Variants in BABAM2 observed in about 807,000 individuals in gnomAD.
BABAM2 encodes BRISC and BRCA1 A complex member 2, also known as BRISC and BRCA1-A complex member 2.
BABAM2 carries 31 observed loss-of-function variants against 54.7 expected under a neutral mutation model. The observed-to-expected ratio is 0.57, with a 90% CI of 0.43 to 0.77. The LOEUF (loss-of-function observed/expected upper bound fraction) is 0.77, where lower values mean the gene tolerates loss of function less well. BABAM2 is among the 30% of genes least tolerant of loss of function. The probability of loss-of-function intolerance (pLI) is 0.00; values close to 1 mark genes in which losing one functional copy is unlikely to be tolerated. For missense variants in BABAM2, 364 were observed against 455.8 expected, an observed-to-expected ratio of 0.80 and a Z score of 1.83; for synonymous variants, 167 against 162.9, an observed-to-expected ratio of 1.03 and a Z score of -0.19.
intron 4 of BABAM2, among the ~76,000 whole-genome samples, chr2:28,012,826 G>A (rs1161413292): frequency 6.6e-6 from 1 of 152,152 alleles, no homozygotes; most frequent in African/African-American, 2.4e-5. Context: ...AGATAGAAAG[G>A]AATTTGCCTA....
chr2:27,937,906 CTA>C (rs1386978992), intron 3 of BABAM2, among the ~76,000 whole-genome samples: 1 of 152,142 alleles, frequency 6.6e-6, no homozygotes, highest in Non-Finnish European at 1.5e-5. Context: ...GGCATTTCTC[CTA>C]TGTTTTCTTC....
At chr2:28,172,120 G>T (rs1298012994) in intron 7 of BABAM2, among the ~76,000 whole-genome samples, 1 of 151,616 alleles carries the variant, frequency 6.6e-6, no homozygotes, top group African/African-American at 2.4e-5. Flanking sequence ...TGTGTGGTGT[G>T]TGTGTATAAT....
At chr2:28,185,399 G>C (rs1428204042) in intron 7 of BABAM2, among the ~76,000 whole-genome samples, 1 of 152,076 alleles carries the variant, frequency 6.6e-6, no homozygotes, top group African/African-American at 2.4e-5. Context: ...AATCTGTCGT[G>C]GTAACATCTC....
At chr2:28,306,683 CT>C (rs1558517050) in intron 11 of BABAM2, among the ~76,000 whole-genome samples, 1 of 151,606 alleles carries the variant, frequency 6.6e-6, no homozygotes, top group South Asian at 2.1e-4. Flanking sequence ...TGGAGTATTT[CT>C]TTTTTATTTT....
intron 3 of BABAM2, among the ~76,000 whole-genome samples, chr2:27,955,308 G>C (rs1366230008): frequency 2.0e-5 from 3 of 152,210 alleles, no homozygotes; most frequent in African/African-American, 7.2e-5. Context: ...TCAGTTTGCA[G>C]AAGGCAGCTG....
At chr2:28,256,973 G>C (rs1684032142) in intron 10 of BABAM2, among the ~76,000 whole-genome samples, 1 of 152,090 alleles carries the variant, frequency 6.6e-6, no homozygotes, top group Non-Finnish European at 1.5e-5. Context: ...GGGATTACAG[G>C]CATGAGACAC....
chr2:28,100,411 G>C (rs1022921261), intron 6 of BABAM2, among the ~76,000 whole-genome samples: 1 of 139,108 alleles, frequency 7.2e-6, no homozygotes. Flanking sequence ...AGTGAGACGA[G>C]ACCGTGCCAC....
chr2:28,321,138 G>A (rs577118916), intron 11 of BABAM2, among the ~76,000 whole-genome samples: 20 of 152,142 alleles, frequency 1.3e-4, no homozygotes, highest in South Asian at 1.0e-3. Context: ...GTGTGTGTCC[G>A]TAGCTGTATG....
At position 27,942,827 on chromosome 2, in the gene BABAM2, T is replaced by TATTTATTTATTA. The variant is rs1189574883; in HGVS notation, c.205+12922_205+12923insTATTTATTAATT. 3.6e-4 allele frequency among the ~76,000 whole-genome samples: 54 copies of TATTTATTTATTA among 151,600 alleles called. No homozygotes were observed. The South Asian group carries it at 6.0e-3, about 17-fold the overall frequency. On this transcript the variant is annotated intron_variant, in intron 3 of 11. Transcript: ENST00000379624. ...TTATTTATTTATTTATTTATTTATT[T>TATTTATTTATTA]ATTAAGACAGGGTCTTGCTTTGTGG...
chr2:27,908,687 A>G (rs1666363724), intron 2 of BABAM2, among the ~76,000 whole-genome samples: 1 of 152,144 alleles, frequency 6.6e-6, no homozygotes. Context: ...GCTTCCACTT[A>G]TAAGTGAGAA....
chr2:27,972,806 C>T (rs1444603013), intron 3 of BABAM2, among the ~76,000 whole-genome samples: 3 of 131,108 alleles, frequency 2.3e-5, no homozygotes, highest in African/African-American at 8.7e-5. Context: ...CTTGTGCTGT[C>T]GCCAGGCTGG....
At chr2:28,252,588 G>T (rs766325785) in intron 10 of BABAM2, among the ~76,000 whole-genome samples, 12 of 152,150 alleles carry the variant, frequency 7.9e-5, no homozygotes, top group Non-Finnish European at 1.3e-4. Context: ...AGCCTGTTTT[G>T]TAATTTCTGA....
chr2:28,246,853 C>T (rs1350209203), intron 10 of BABAM2, among the ~76,000 whole-genome samples: 2 of 152,212 alleles, frequency 1.3e-5, no homozygotes, highest in African/African-American at 4.8e-5. Context: ...AAAGAACATT[C>T]ACCTCTCAGC....
intron 4 of BABAM2, among the ~76,000 whole-genome samples, chr2:27,997,754 A>T (rs1673270650): frequency 6.6e-6 from 1 of 152,202 alleles, no homozygotes; most frequent in Non-Finnish European, 1.5e-5. Context: ...TGGCAAATAT[A>T]ACATTTAGCA....
chr2:27,940,113 A>G (rs74543111), intron 3 of BABAM2, among the ~76,000 whole-genome samples: 24 of 152,318 alleles, frequency 1.6e-4, no homozygotes, highest in Non-Finnish European at 2.5e-4. Flanking sequence ...AACATATTCT[A>G]TTACTTAAAT....
intron 4 of BABAM2, among the ~76,000 whole-genome samples, chr2:28,008,715 T>C (rs1302722438): frequency 6.6e-6 from 1 of 152,030 alleles, no homozygotes; most frequent in Non-Finnish European, 1.5e-5. Context: ...TTTGGCACTT[T>C]CCCCCCAGGG....
chr2:28,084,175 T>C (rs1189412489), intron 6 of BABAM2, among the ~76,000 whole-genome samples: 1 of 152,138 alleles, frequency 6.6e-6, no homozygotes, highest in Admixed American at 6.5e-5. Flanking sequence ...TTTATACTTG[T>C]ACTAAGGACT....
intron 10 of BABAM2, among the ~76,000 whole-genome samples, chr2:28,263,999 C>T (rs971374499): frequency 2.0e-5 from 3 of 152,174 alleles, no homozygotes; most frequent in African/African-American, 7.2e-5. Context: ...GTGATTGAGG[C>T]CAGAGAACTA....
intron 7 of BABAM2, among the ~76,000 whole-genome samples, chr2:28,166,278 C>T (rs1463114903): frequency 2.0e-5 from 3 of 152,128 alleles, no homozygotes; most frequent in Non-Finnish European, 4.4e-5. Context: ...ATGGAGGATG[C>T]TGGCTTGGAG....
Sources: allele counts gnomAD v4.1 joint callset (sites outside exome capture counted in the v4.1 genomes callset), GRCh38; gene constraint gnomAD v4.1.1; transcripts MANE v1.5; gene names NCBI Gene and HGNC (gene_info 2026-07-23, HGNC 2026-07-21).